Variants in CTCFL observed in about 807,000 individuals in gnomAD.
CTCFL encodes the protein CCCTC-binding factor like.
Under a neutral mutation model 67.4 loss-of-function variants are expected in CTCFL, and 36 were observed. That is an observed-to-expected ratio of 0.53 (90% CI 0.41 to 0.71). The LOEUF is 0.71. Among genes scored for constraint, CTCFL ranks in the 30% least tolerant of loss-of-function variants. The probability of loss-of-function intolerance (pLI) is 0.00; values close to 1 mark genes in which losing one functional copy is unlikely to be tolerated. For synonymous variants in CTCFL, 324 were observed against 302.3 expected (o/e 1.07, Z -0.75); for missense variants, 786 against 835.2 (o/e 0.94, Z 0.73).
At chr20:57,520,419 A>G (rs995820784) in intron 3 of CTCFL, among the ~76,000 whole-genome samples, 5 of 152,214 alleles carry the variant, frequency 3.3e-5, no homozygotes, top group African/African-American at 1.2e-4. Context: ...TATTCTCAAA[A>G]TCCATCCCTC....
Position 57,498,111 on chromosome 20 carries a change from TA to T in CTCFL, c.*438del. 1 of 975,234 alleles carries T rather than the reference TA, an allele frequency of 1.0e-6. No individual in the cohort carries two copies. The highest frequency in any genetic ancestry group is 1.2e-6 in the Non-Finnish European group (1 of 820,474). The allele number at this position is 975,234 out of a possible 1,614,324, so 60.4% of individuals were successfully genotyped here. Reference sequence around the variant, plus strand: ...TATCATGGGTGTATATAATGCAACATAAAAATGTCCAGCTTTGACTGTGGAA... The same window carrying T: ...TATCATGGGTGTATATAATGCAACATAAAATGTCCAGCTTTGACTGTGGAA... On this transcript the variant is annotated 3_prime_UTR_variant, in exon 11 of 11. Coordinates refer to ENST00000243914, the MANE Select transcript of CTCFL (RefSeq NM_001386993.1).
In CTCFL at chr20:57,514,705, C is replaced by T. The variant is rs184731649; in HGVS notation, c.1217G>A (p.Arg406His). 80 of 1,614,092 alleles carry T rather than the reference C, an allele frequency of 5.0e-5. No individual in the cohort carries two copies. Among genetic ancestry groups the T allele is most frequent in the South Asian group, 1.8e-4 (16 of 91,080 alleles). ...KPYECHICHTRFTQSGTMKIH... is the reference protein window; with the variant it reads ...KPYECHICHTHFTQSGTMKIH... The stretch of plus-strand genomic sequence containing the variant: ...TTTCATGGTCCCGCTCTGGGTGAAG[C>T]GGGTGTGGCAGATGTGGCATTCGTA... Residue 406 changes from arginine (R) to histidine (H), a missense_variant, in exon 7 of 11, where the codon CGC becomes CAC. By Grantham distance (29) the Arg-to-His change is conservative. This residue lies in a region of CTCFL where 254 missense variants were observed against 333.9 expected (regional missense o/e 0.76). Coordinates refer to ENST00000243914, the MANE Select transcript of CTCFL (RefSeq NM_001386993.1).
intron 5 of CTCFL, 45 bp from the exon 6 acceptor site, chr20:57,515,879 A>G (rs1295331444): frequency 6.3e-7 from 1 of 1,578,862 alleles, no homozygotes; most frequent in African/African-American, 1.4e-5. Flanking sequence ...AAACTAAAAA[A>G]TGGCAGAGTC....
chr20:57,496,909 G>C (rs1241165438), downstream of CTCFL, among the ~76,000 whole-genome samples: 4 of 152,122 alleles, frequency 2.6e-5, no homozygotes, highest in Admixed American at 6.5e-5. Context: ...TATGAACATA[G>C]GTGTGCAAAT....
rs138324176 is a variant in CTCFL, at chr20:57,508,519, G to A, written c.1674+87C>T. 169 of 1,267,606 alleles carry A rather than the reference G, an allele frequency of 1.3e-4. No individual in the cohort carries two copies. The East Asian group carries it at 2.0e-3, about 15-fold the overall frequency. 78.5% of individuals were successfully genotyped at this position (1,267,606 alleles called of 1,614,324 possible). A position where few individuals can be genotyped will look rare whatever the true frequency, so the allele number is the denominator to read the frequency against. ...GAAGTCCTGGCAGGTTTCTATAATC[G>A]GGTTTAAACTCTCCTGGTGTGACAC... On this transcript the variant is annotated intron_variant, in intron 9 of 10. Transcript: ENST00000243914.
At chr20:57,505,918 C>T (rs1300818935) in intron 9 of CTCFL, among the ~76,000 whole-genome samples, 1 of 152,212 alleles carries the variant, frequency 6.6e-6, no homozygotes, top group Non-Finnish European at 1.5e-5. Flanking sequence ...TGCGAAACAT[C>T]CCGCCTGATT....
At position 57,524,171 on chromosome 20, in the gene CTCFL, T is replaced by A. The variant is rs778772767; in HGVS notation, c.35A>T (p.Gln12Leu). Residue 12 changes from glutamine to leucine, a missense_variant, in exon 2 of 11, where the codon CAA (glutamine) becomes CTA (leucine). Coordinates refer to ENST00000243914, the MANE Select transcript of CTCFL (RefSeq NM_001386993.1). ...CTCGAGTTCTTTGATCTTGGTGAAT[T>A]GCTCAGAAAGGACAGAGATCTCAGT... ...AATEISVLSE[Q>L]FTKIKELELM... The A allele has an allele frequency of 6.2e-7, 1 of 1,613,414 alleles. No individual in the cohort carries two copies. Among genetic ancestry groups the A allele is most frequent in the East Asian group, 2.2e-5 (1 of 44,886 alleles).
chr20:57,513,255 G>T (rs1488204645), intron 7 of CTCFL: 2 of 985,554 alleles, frequency 2.0e-6, no homozygotes, highest in Non-Finnish European at 2.4e-6. Context: ...TCCACTCGTT[G>T]TTAGAAGTCA....
intron 9 of CTCFL, among the ~76,000 whole-genome samples, chr20:57,504,197 C>T (rs776119851): frequency 3.3e-5 from 5 of 151,452 alleles, no homozygotes; most frequent in Non-Finnish European, 4.4e-5. Context: ...AGGATGGTCT[C>T]GATCTCCTGA....
At chr20:57,500,026 C>T (rs1329018156) in intron 10 of CTCFL, 8 of 986,606 alleles carry the variant, frequency 8.1e-6, no homozygotes, top group Admixed American at 6.1e-5. Flanking sequence ...CACTGAAGAA[C>T]GTGACTGTCT....
chr20:57,516,204 G>A (rs1407664960), intron 5 of CTCFL, among the ~76,000 whole-genome samples: 1 of 151,900 alleles, frequency 6.6e-6, no homozygotes, highest in Non-Finnish European at 1.5e-5. Context: ...AAGCACAAAG[G>A]CAAACATTTT....
chr20:57,501,727 GCC>G (rs898599120), intron 10 of CTCFL, among the ~76,000 whole-genome samples: 7 of 152,212 alleles, frequency 4.6e-5, no homozygotes, highest in African/African-American at 1.4e-4. Flanking sequence ...ACACAGGAAT[GCC>G]GGGGCAGCGG....
In CTCFL at chr20:57,523,207, T is replaced by C; in HGVS notation, c.615A>G (p.Thr205=). ...RTKEQLFFVE[T]MSGDERSDEI... Reference sequence around the variant, plus strand: ...CGTCACTTCTTTCATCTCCTGACATTGTTTCCACAAAAAAGAGCTGCTCCT... The same window carrying C: ...CGTCACTTCTTTCATCTCCTGACATCGTTTCCACAAAAAAGAGCTGCTCCT... The change falls in exon 3 of 11, where the codon ACA becomes ACG. Residue 205 remains threonine (T), a synonymous_variant. Transcript: ENST00000243914. 6.2e-7 allele frequency: 1 copy of C among 1,614,080 alleles called. No homozygotes were observed. Among genetic ancestry groups the C allele is most frequent in the South Asian group, 1.1e-5 (1 of 91,080 alleles).
chr20:57,516,477 C>T (rs1165809975), intron 5 of CTCFL, among the ~76,000 whole-genome samples: 2 of 151,922 alleles, frequency 1.3e-5, no homozygotes, highest in Non-Finnish European at 2.9e-5. Flanking sequence ...GCTGAGGCCG[C>T]AAAGAGCCAA....
Position 57,514,714 on chromosome 20 carries a change from C to T in CTCFL, c.1208G>A (p.Cys403Tyr), listed in dbSNP as rs2068790223. The change falls in exon 7 of 11, where the codon TGC becomes TAC. Residue 403 changes from cysteine to tyrosine, a missense_variant. By Grantham distance (194) the Cys-to-Tyr change is radical. Coordinates refer to ENST00000243914, the MANE Select transcript of CTCFL (RefSeq NM_001386993.1). ...CCCGCTCTGGGTGAAGCGGGTGTGG[C>T]AGATGTGGCATTCGTAAGGCTTCTC... is the stretch of plus-strand genomic sequence containing the variant. ...SGEKPYECHI[C>Y]HTRFTQSGTM... 6.2e-7 allele frequency: 1 copy of T among 1,613,996 alleles called. No homozygotes were observed. Among genetic ancestry groups the T allele is most frequent in the Non-Finnish European group, 8.5e-7 (1 of 1,180,012 alleles).
chr20:57,497,563 T>G lies in CTCFL; in HGVS notation c.*987A>C. On this transcript the variant is annotated 3_prime_UTR_variant, in exon 11 of 11. Coordinates refer to ENST00000243914, the MANE Select transcript of CTCFL (RefSeq NM_001386993.1). ...TATCCAGATAGAAATGAATTTCAAG[T>G]GTTAAAGAGGCATCTCTCACGCTGC... is the stretch of plus-strand genomic sequence containing the variant. 1.6e-5 allele frequency: 16 copies of G among 985,382 alleles called. No homozygotes were observed. The highest frequency in any genetic ancestry group is 1.9e-5 in the Non-Finnish European group (16 of 829,930). The allele number at this position is 985,382 out of a possible 1,614,324, so 61.0% of individuals were successfully genotyped here.
At chr20:57,508,549 C>A in intron 9 of CTCFL, 57 bp downstream of exon 9, 1 of 1,539,238 alleles carries the variant, frequency 6.5e-7, no homozygotes. Flanking sequence ...TGACACTGTC[C>A]TCCTGAGATA....
At chr20:57,514,075 C>T (rs905859743) in intron 7 of CTCFL, among the ~76,000 whole-genome samples, 6 of 152,210 alleles carry the variant, frequency 3.9e-5, no homozygotes, top group African/African-American at 1.4e-4. Context: ...ACGTTACAGG[C>T]CCGCCTCCTT....
intron 9 of CTCFL, among the ~76,000 whole-genome samples, 173 bp downstream of exon 9, chr20:57,508,433 C>A (rs2068343622): frequency 6.7e-6 from 1 of 149,566 alleles, no homozygotes; most frequent in Admixed American, 6.7e-5. Context: ...TAGGATTCTT[C>A]AAGAATTTTG....
Sources: allele counts gnomAD v4.1 joint callset (sites outside exome capture counted in the v4.1 genomes callset), GRCh38; gene constraint gnomAD v4.1.1; regional missense constraint gnomAD v4.1.1; transcripts MANE v1.5; gene names NCBI Gene and HGNC (gene_info 2026-07-23, HGNC 2026-07-21).